The following PRRC2A variants were observed in gnomAD, a reference collection of about 807,000 sequenced individuals.
PRRC2A encodes the protein protein PRRC2A.
In PRRC2A, 59 loss-of-function variants were observed where a neutral mutation model predicts 224.6. The ratio of observed to expected loss-of-function variants is 0.26; its 90% CI spans 0.21 to 0.33. The LOEUF is 0.33. PRRC2A is among the 10% of genes least tolerant of loss of function. The pLI, the probability that PRRC2A is intolerant of heterozygous loss-of-function variation, is 1.00. For synonymous variants in PRRC2A, 1,194 were observed against 1,109.5 expected, an observed-to-expected ratio of 1.08 and a Z score of -1.51; for missense variants, 3,095 against 2,880.7, an observed-to-expected ratio of 1.07 and a Z score of -1.70.
In PRRC2A at chr6:31,627,594, C is replaced by T. The variant is rs981977465; in HGVS notation, c.1291-171C>T. Among the ~76,000 whole-genome samples the T allele has an allele frequency of 6.6e-6, 1 of 152,206 alleles. No homozygotes were observed. The highest frequency in any genetic ancestry group is 1.5e-5 in the Non-Finnish European group (1 of 68,038). On this transcript the variant is annotated intron_variant, in intron 11 of 30. Transcript: ENST00000376033. This position sits in a 1 kb window ranked among gnomAD's most constrained non-coding sequence, Gnocchi z 5.6. ...GACCAGCCTGGGCAACATAGCAAGA[C>T]GTGGTCTCAAAGAAGACCAGGATAA... is the stretch of plus-strand genomic sequence containing the variant.
In PRRC2A at chr6:31,629,494, C is replaced by G. The variant is rs753327927; in HGVS notation, c.1957-54C>G. On this transcript the variant is annotated intron_variant, in intron 13 of 30. Transcript: ENST00000376033. ...GTCCAAGTTTTTTCTTTGCTGATTC[C>G]TTTGTCCATGTGTGCTTTGAGCCTC... 11 of 1,421,268 alleles carry G rather than the reference C, an allele frequency of 7.7e-6. No individual in the cohort carries two copies. The Admixed American group carries it at 1.0e-4, about 13-fold the overall frequency. 88.0% of individuals were successfully genotyped at this position (1,421,268 alleles called of 1,614,324 possible).
rs2150523605 is a variant in PRRC2A at position 31,632,512 on chromosome 6, C to T, written c.3839C>T (p.Pro1280Leu). ...GAGGGCAAGCCCTCCCTAACCCTTCCAGCCTCCGCTCCTGGACCTGAGGAG... is the reference window on the plus strand; with the variant it reads ...GAGGGCAAGCCCTCCCTAACCCTTCTAGCCTCCGCTCCTGGACCTGAGGAG... Reference protein sequence around the residue: ...GSEGKPSLTLPASAPGPEEAL... With the variant: ...GSEGKPSLTLLASAPGPEEAL... The change falls in exon 16 of 31, where the codon CCA (proline) becomes CTA (leucine). Residue 1280 changes from proline to leucine, a missense_variant. Transcript: ENST00000376033. The T allele has an allele frequency of 6.2e-7, 1 of 1,608,746 alleles. No homozygotes were observed. Among genetic ancestry groups the T allele is most frequent in the Non-Finnish European group, 8.5e-7 (1 of 1,177,226 alleles).
At position 31,634,275 on chromosome 6, in the gene PRRC2A, T is replaced by A. The variant is rs777926279; in HGVS notation, c.4759T>A (p.Ser1587Thr). The change falls in exon 19 of 31, where the codon TCT (serine) becomes ACT (threonine). Residue 1587 changes from serine (S) to threonine (T), a missense_variant. Ser to Thr is a moderately conservative substitution (Grantham distance 58). Transcript: ENST00000376033. ...TCCTCATAGCTCTGGATTCTTGGGC[T>A]CTAAGCCTGAGGGCCCAGGCCCTCA... is the stretch of plus-strand genomic sequence containing the variant. ...PPPHSSGFLG[S>T]KPEGPGPQAE... The A allele has an allele frequency of 6.2e-6, 10 of 1,602,014 alleles. No individual in the cohort carries two copies. Among genetic ancestry groups the A allele is most frequent in the Non-Finnish European group, 8.5e-6 (10 of 1,177,476 alleles).
chr6:31,635,426 C>T lies in PRRC2A; in HGVS notation c.5334C>T (p.Ser1778=), dbSNP rs1451578256. The change falls in exon 23 of 31, where the codon AGC becomes AGT. Residue 1778 remains serine (S), a synonymous_variant. Transcript: ENST00000376033. The stretch of plus-strand genomic sequence containing the variant: ...ACTTACGCCTAGTGGTAGGAGACAG[C>T]TTGAAAGCAGAGAAGGAGCTAACAG... ...DSDLRLVVGD[S]LKAEKELTAS... 6.2e-7 allele frequency: 1 copy of T among 1,614,234 alleles called. No individual in the cohort carries two copies. The highest frequency in any genetic ancestry group is 8.5e-7 in the Non-Finnish European group (1 of 1,180,040).
At position 31,637,119 on chromosome 6, in the gene PRRC2A, G is replaced by A; in HGVS notation, c.6225G>A (p.Arg2075=). The part of the protein sequence containing the change: ...SSNLGGPGSS[R]TPPTGRSFSG... ...ACCTTGGGGGACCTGGATCATCACG[G>A]ACTCCCCCAACTGGAAGGTGAAACG... Residue 2075 remains arginine, a synonymous_variant, in exon 29 of 31, where the codon CGG becomes CGA. Coordinates refer to ENST00000376033, the MANE Select transcript of PRRC2A (RefSeq NM_004638.4). 6.2e-7 allele frequency: 1 copy of A among 1,611,174 alleles called. No homozygotes were observed. Among genetic ancestry groups the A allele is most frequent in the Non-Finnish European group, 8.5e-7 (1 of 1,178,962 alleles).
rs1204266882 is a variant in PRRC2A at position 31,633,942 on chromosome 6, C to T, written c.4672C>T (p.Pro1558Ser). ...CTCTGCCGGGGTTAGTCCCTTTCCC[C>T]CTAAACGTCGGGAGCGGCCTCCCAG... ...RDSAGVSPFP[P>S]KRRERPPRKP... Residue 1558 changes from proline to serine, a missense_variant, in exon 18 of 31, where the codon CCT (proline) becomes TCT (serine). Transcript: ENST00000376033. 6.3e-7 allele frequency: 1 copy of T among 1,598,156 alleles called. No individual in the cohort carries two copies. Among genetic ancestry groups the T allele is most frequent in the African/African-American group, 1.4e-5 (1 of 73,674 alleles).
At chr6:31,629,360 A>G (rs1209292314) in intron 13 of PRRC2A, 26 bp downstream of exon 13, 2 of 1,536,478 alleles carry the variant, frequency 1.3e-6, no homozygotes, top group Non-Finnish European at 1.7e-6. Flanking sequence ...TTACCCTCTA[A>G]GGGCTGCTTT....
chr6:31,629,509 C>T, intron 13 of PRRC2A, 39 bp from the exon 14 acceptor site: 1 of 1,442,460 alleles, frequency 6.9e-7, no homozygotes, highest in Non-Finnish European at 9.7e-7. Context: ...TCCATGTGTG[C>T]TTTGAGCCTC....
Position 31,631,625 on chromosome 6 carries a change from C to G in PRRC2A, c.2952C>G (p.Leu984=). The G allele has an allele frequency of 6.6e-7, 1 of 1,522,966 alleles. No homozygotes were observed. The highest frequency in any genetic ancestry group is 8.8e-7 in the Non-Finnish European group (1 of 1,138,524). 94.3% of individuals were successfully genotyped at this position (1,522,966 alleles called of 1,614,324 possible). ...CCAAACCCCCAAAGCCAGACCCACTCAAGATAACCAAGGGGAAGCTAGGGG... is the reference window on the plus strand; with the variant it reads ...CCAAACCCCCAAAGCCAGACCCACTGAAGATAACCAAGGGGAAGCTAGGGG... ...ETPKPPKPDP[L]KITKGKLGGP... is the part of the protein sequence containing the mutation. The change falls in exon 16 of 31, where the codon CTC becomes CTG. Residue 984 remains leucine, a synonymous_variant. Coordinates refer to ENST00000376033, the MANE Select transcript of PRRC2A (RefSeq NM_004638.4). The surrounding 1 kb of genome is among the most constrained non-coding windows in gnomAD (Gnocchi z 4.5).
In PRRC2A at chr6:31,635,968, T is replaced by C. The variant is rs764528765; in HGVS notation, c.5543T>C (p.Ile1848Thr). 1 of 1,610,342 alleles carries C rather than the reference T, an allele frequency of 6.2e-7. No homozygotes were observed. The highest frequency in any genetic ancestry group is 1.7e-5 in the Admixed American group (1 of 59,800). The change falls in exon 25 of 31, where the codon ATC becomes ACC. Residue 1848 changes from isoleucine (I) to threonine (T), a missense_variant and splice_region_variant. Physicochemically the swap from Ile to Thr is moderately conservative, Grantham distance 89. Around this residue, in one of 8 missense-constraint regions of PRRC2A, gnomAD observed 662 missense variants for 609.5 expected, o/e 1.09. Transcript: ENST00000376033. ...TTCAACCGTGCTCCTCTCCTGCAGATCTCTGGGGGAGCCATGGACTCTCAA... is the reference window on the plus strand; with the variant it reads ...TTCAACCGTGCTCCTCTCCTGCAGACCTCTGGGGGAGCCATGGACTCTCAA... ...YGSAGPSSSQ[I>T]SGGAMDSQLH... is the part of the protein sequence containing the mutation.
chr6:31,628,031 T>G lies in PRRC2A; in HGVS notation c.1557T>G (p.Ala519=). 1.2e-6 allele frequency: 2 copies of G among 1,612,584 alleles called. No individual in the cohort carries two copies. Among genetic ancestry groups the G allele is most frequent in the Non-Finnish European group, 1.7e-6 (2 of 1,179,794 alleles). Residue 519 remains alanine, a synonymous_variant, in exon 12 of 31, where the codon GCT becomes GCG. Transcript: ENST00000376033. ...CACCTGCTGCCCCTTCTACCCCAGC[T>G]CCACCACCTGCAGTCCCTAAAGAAC... ...AAPPAAPSTP[A]PPPAVPKELP... is the part of the protein sequence containing the mutation.
In PRRC2A at chr6:31,631,447, G is replaced by T. The variant is rs759748399; in HGVS notation, c.2774G>T (p.Arg925Leu). Reference protein sequence around the residue: ...PPRRESRTETRWGPRPGSSRR... With the variant: ...PPRRESRTETLWGPRPGSSRR... ...CGCAGAGAGAGTCGCACAGAGACCCGCTGGGGCCCTCGTCCAGGGAGCAGT... is the reference window on the plus strand; with the variant it reads ...CGCAGAGAGAGTCGCACAGAGACCCTCTGGGGCCCTCGTCCAGGGAGCAGT... The change falls in exon 16 of 31, where the codon CGC becomes CTC. Residue 925 changes from arginine to leucine, a missense_variant. Physicochemically the swap from Arg to Leu is moderately radical, Grantham distance 102. Around this residue, in one of 8 missense-constraint regions of PRRC2A, gnomAD observed 2,001 missense variants for 1,764.9 expected, o/e 1.13. Coordinates refer to ENST00000376033, the MANE Select transcript of PRRC2A (RefSeq NM_004638.4). The surrounding 1 kb of genome is among the most constrained non-coding windows in gnomAD (Gnocchi z 4.5). The T allele has an allele frequency of 2.5e-6, 4 of 1,609,648 alleles. No homozygotes were observed. Among genetic ancestry groups the T allele is most frequent in the South Asian group, 1.1e-5 (1 of 90,720 alleles).
chr6:31,637,425 T>C (rs1554130899), intron 30 of PRRC2A, 21 bp from the exon 31 acceptor site: 1 of 1,598,090 alleles, frequency 6.3e-7, no homozygotes, highest in African/African-American at 1.3e-5. Flanking sequence ...ACTCACTGTT[T>C]AACACATGCC....
At chr6:31,621,946 G>T (rs1775339318) in intron 1 of PRRC2A, among the ~76,000 whole-genome samples, 1 of 152,228 alleles carries the variant, frequency 6.6e-6, no homozygotes, top group Non-Finnish European at 1.5e-5. Context: ...GTTACAGGGT[G>T]CTAAGGTGGC....
rs761961801 is a variant in PRRC2A at position 31,627,893 on chromosome 6, A to C, written c.1419A>C (p.Glu473Asp). 5 of 1,613,038 alleles carry C rather than the reference A, an allele frequency of 3.1e-6. No individual in the cohort carries two copies. The Admixed American group carries it at 6.7e-5, about 21-fold the overall frequency. Reference protein sequence around the residue: ...AVERARRRREEEERRMQEERR... With the variant: ...AVERARRRREDEERRMQEERR... ...AGCGGGCCCGGCGACGGCGAGAAGA[A>C]GAGGAGCGGCGCATGCAAGAAGAGC... is the stretch of plus-strand genomic sequence containing the variant. Residue 473 changes from glutamate to aspartate, a missense_variant, in exon 12 of 31, where the codon GAA becomes GAC. Physicochemically the swap from Glu to Asp is conservative, Grantham distance 45 (BLOSUM62 2). Coordinates refer to ENST00000376033, the MANE Select transcript of PRRC2A (RefSeq NM_004638.4). This position sits in a 1 kb window ranked among gnomAD's most constrained non-coding sequence, Gnocchi z 5.6.
chr6:31,637,392 C>A, intron 30 of PRRC2A, 54 bp from the exon 31 acceptor site: 1 of 1,602,652 alleles, frequency 6.2e-7, no homozygotes, highest in African/African-American at 1.3e-5. Flanking sequence ...GTCCTTCCGT[C>A]TCATCGCTGA....
Position 31,625,922 on chromosome 6 carries a change from G to A in PRRC2A, c.839+51G>A, listed in dbSNP as rs1253367516. The A allele has an allele frequency of 6.3e-7, 1 of 1,581,130 alleles. No homozygotes were observed. Among genetic ancestry groups the A allele is most frequent in the Non-Finnish European group, 8.7e-7 (1 of 1,154,364 alleles). ...GGCTGGGGGCAGGGGAAGCTTATTG[G>A]GGGAGGAGATGGTTTTCTAGCCAGG... On this transcript the variant is annotated intron_variant, in intron 8 of 30. Transcript: ENST00000376033. This position sits in a 1 kb window ranked among gnomAD's most constrained non-coding sequence, Gnocchi z 4.1.
In PRRC2A at chr6:31,627,595, G is replaced by A. The variant is rs187873912; in HGVS notation, c.1291-170G>A. On this transcript the variant is annotated intron_variant, in intron 11 of 30. Transcript: ENST00000376033. This position sits in a 1 kb window ranked among gnomAD's most constrained non-coding sequence, Gnocchi z 5.6. The stretch of plus-strand genomic sequence containing the variant: ...ACCAGCCTGGGCAACATAGCAAGAC[G>A]TGGTCTCAAAGAAGACCAGGATAAT... Among the ~76,000 whole-genome samples the A allele has an allele frequency of 3.9e-5, 6 of 152,256 alleles. No homozygotes were observed. Among genetic ancestry groups the A allele is most frequent in the South Asian group, 2.1e-4 (1 of 4,822 alleles).
Position 31,633,443 on chromosome 6 carries a change from G to A in PRRC2A, c.4384G>A (p.Val1462Ile). ...LPPPPPSSSA[V>I]FRLDQVIHSN... ...TCCCCCACCTCCCAGCAGTTCTGCT[G>A]TCTTCCGCCTGGACCAAGTTATCCA... The change falls in exon 17 of 31, where the codon GTC (valine) becomes ATC (isoleucine). Residue 1462 changes from valine (V) to isoleucine (I), a missense_variant. By Grantham distance (29) the Val-to-Ile change is conservative. Coordinates refer to ENST00000376033, the MANE Select transcript of PRRC2A (RefSeq NM_004638.4). 1 of 1,613,072 alleles carries A rather than the reference G, an allele frequency of 6.2e-7. No homozygotes were observed. The highest frequency in any genetic ancestry group is 8.5e-7 in the Non-Finnish European group (1 of 1,180,026).
Sources: allele counts gnomAD v4.1 joint callset (sites outside exome capture counted in the v4.1 genomes callset), GRCh38; gene constraint gnomAD v4.1.1; regional missense constraint gnomAD v4.1.1; non-coding constraint Gnocchi (gnomAD v3.1); transcripts MANE v1.5; gene names NCBI Gene and HGNC (gene_info 2026-07-23, HGNC 2026-07-21).